The following TRPC5 variants were observed in gnomAD, a reference collection of about 807,000 sequenced individuals.
TRPC5 encodes the protein short transient receptor potential channel 5.
Under a neutral mutation model 56.5 loss-of-function variants are expected in TRPC5, and 9 were observed. That is an observed-to-expected ratio of 0.16 (90% CI 0.10 to 0.28). The LOEUF (loss-of-function observed/expected upper bound fraction) is 0.28. TRPC5 is among the 10% of genes least tolerant of loss of function. The probability of loss-of-function intolerance (pLI) is 1.00; values close to 1 mark genes in which losing one functional copy is unlikely to be tolerated. For synonymous variants in TRPC5, 282 were observed against 278.5 expected, an observed-to-expected ratio of 1.01 and a Z score of -0.13; for missense variants, 469 against 748.9, an observed-to-expected ratio of 0.63 and a Z score of 4.36.
chrX:111,911,499 G>T (rs1925816258), intron 3 of TRPC5, among the ~76,000 whole-genome samples: 1 of 111,833 alleles, frequency 8.9e-6, no homozygotes, highest in South Asian at 3.7e-4. Context: ...TTTTTCCGTG[G>T]TATCATGCTG....
intron 1 of TRPC5, among the ~76,000 whole-genome samples, chrX:111,966,733 T>A (rs1927595575): frequency 8.9e-6 from 1 of 112,318 alleles, no homozygotes; most frequent in South Asian, 3.7e-4. Flanking sequence ...AAAAACCACA[T>A]GATTATCTCA....
chrX:111,909,331 A>AAAAT (rs1191409351), intron 3 of TRPC5, among the ~76,000 whole-genome samples: 123 of 105,296 alleles, frequency 1.2e-3, no homozygotes, highest in Non-Finnish European at 1.5e-3. Flanking sequence ...CTCCGTCTCA[A>AAAAT]AAATAAATAA....
chrX:111,895,056 T>C (rs1194591444), intron 3 of TRPC5, among the ~76,000 whole-genome samples: 3 of 111,933 alleles, frequency 2.7e-5, no homozygotes, highest in African/African-American at 9.7e-5. Context: ...TACTTAGGAG[T>C]AGCATTCCAG....
At chrX:112,042,086 G>T (rs1393178977) in intron 1 of TRPC5, among the ~76,000 whole-genome samples, 1 of 111,984 alleles carries the variant, frequency 8.9e-6, no homozygotes, top group Non-Finnish European at 1.9e-5. Flanking sequence ...GGAAGCTGGA[G>T]TGTTAAGGAT....
chrX:111,860,083 G>C (rs1923356410), intron 3 of TRPC5, among the ~76,000 whole-genome samples: 3 of 112,042 alleles, frequency 2.7e-5, no homozygotes, highest in African/African-American at 6.5e-5. Flanking sequence ...TAATTTTTTT[G>C]TATTTTAGTA....
chrX:111,920,380 G>T (rs192803989), intron 2 of TRPC5, among the ~76,000 whole-genome samples: 1 of 111,469 alleles, frequency 9.0e-6, no homozygotes, highest in Admixed American at 9.5e-5. Flanking sequence ...AACCGTAAGA[G>T]CACCCCCCTT....
intron 6 of TRPC5, among the ~76,000 whole-genome samples, chrX:111,843,234 T>A (rs1038364983): frequency 8.9e-6 from 1 of 112,680 alleles, no homozygotes; most frequent in African/African-American, 3.2e-5. Context: ...CACCTTTATA[T>A]CTTAGGCCCC....
At chrX:112,066,655 A>T (rs899145765) in intron 1 of TRPC5, among the ~76,000 whole-genome samples, 3 of 112,377 alleles carry the variant, frequency 2.7e-5, no homozygotes, top group Non-Finnish European at 5.6e-5. Context: ...TGTTTTCCTC[A>T]TCTGTAAAAT....
chrX:111,951,459 G>A (rs1031729672), intron 2 of TRPC5, among the ~76,000 whole-genome samples: 3 of 112,041 alleles, frequency 2.7e-5, no homozygotes, highest in Non-Finnish European at 5.6e-5. Context: ...ACAAATAAAA[G>A]ATGACTTCAG....
At chrX:111,944,303 T>TGA (rs774055316) in intron 2 of TRPC5, among the ~76,000 whole-genome samples, 915 of 61,271 alleles carry the variant, frequency 0.015, 9 homozygotes, top group Middle Eastern at 0.028. Context: ...TGTGTGTGTG[T>TGA]GAGAGAGAGA....
chrX:112,005,408 C>T (rs1928810050), intron 1 of TRPC5, among the ~76,000 whole-genome samples: 1 of 102,848 alleles, frequency 9.7e-6, no homozygotes, highest in African/African-American at 3.7e-5. Context: ...CCCTGTGACA[C>T]AAGTTTACCT....
intron 1 of TRPC5, among the ~76,000 whole-genome samples, chrX:112,066,211 G>C (rs1457888749): frequency 9.1e-6 from 1 of 110,113 alleles, no homozygotes; most frequent in East Asian, 2.9e-4. Flanking sequence ...CTATAGCACA[G>C]AATCATCTAC....
intron 1 of TRPC5, among the ~76,000 whole-genome samples, chrX:112,028,988 A>G (rs927905738): frequency 8.9e-6 from 1 of 112,444 alleles, no homozygotes; most frequent in Non-Finnish European, 1.9e-5. Context: ...TCTGCTGACA[A>G]AAGCTTCTTG....
At chrX:111,943,927 T>C (rs1467896957) in intron 2 of TRPC5, among the ~76,000 whole-genome samples, 2 of 112,462 alleles carry the variant, frequency 1.8e-5, no homozygotes, top group African/African-American at 6.5e-5. Flanking sequence ...CCATACGACA[T>C]GCTAAGTCAA....
rs146189472 is a variant in TRPC5 at position 111,984,735 on chromosome X, A to G, written c.-21-32294T>C. Among the ~76,000 whole-genome samples the G allele has an allele frequency of 1.2e-4, 14 of 112,391 alleles. No individual in the cohort carries two copies. The East Asian group carries it at 3.9e-3, about 31-fold the overall frequency. ...GGAAAAGTGATCAAAATCCCTCTGA[A>G]CTATATTATGACATAGGGGTGAACA... On this transcript the variant is annotated intron_variant, in intron 1 of 10. Transcript: ENST00000262839.
chrX:111,873,547 C>T (rs1296308113), intron 3 of TRPC5, among the ~76,000 whole-genome samples: 1 of 111,020 alleles, frequency 9.0e-6, no homozygotes, highest in Non-Finnish European at 1.9e-5. Flanking sequence ...CTTTGGGAGG[C>T]TAACGCGGGT....
chrX:111,852,487 C>T (rs1923112951), intron 4 of TRPC5, 50 bp from the exon 5 acceptor site: 2 of 1,128,243 alleles, frequency 1.8e-6, no homozygotes, highest in African/African-American at 1.8e-5. Flanking sequence ...CAGCCCTGCT[C>T]ATCATAGAAG....
intron 2 of TRPC5, among the ~76,000 whole-genome samples, chrX:111,940,116 TTTC>T (rs1926726767): frequency 4.5e-5 from 5 of 112,189 alleles, no homozygotes; most frequent in African/African-American, 1.3e-4. Flanking sequence ...ATTTAAAAAT[TTTC>T]TTCTTAATTT....
chrX:111,831,529 G>C (rs951401987), intron 7 of TRPC5, among the ~76,000 whole-genome samples: 2 of 111,885 alleles, frequency 1.8e-5, no homozygotes, highest in African/African-American at 6.5e-5. Context: ...TCATTTGCAT[G>C]AATGTGTTCT....
Sources: gnomAD v4.1 joint callset for allele counts (sites outside exome capture counted in the v4.1 genomes callset) on GRCh38, gnomAD v4.1.1 for gene constraint, MANE v1.5 for transcripts, NCBI Gene and HGNC (gene_info 2026-07-23, HGNC 2026-07-21) for gene names.